The following LINGO2 variants were observed in gnomAD, a reference collection of about 807,000 sequenced individuals.
The protein encoded by LINGO2 is leucine-rich repeat and immunoglobulin-like domain-containing nogo receptor-interacting protein 2.
In LINGO2, 14 loss-of-function variants were observed where a neutral mutation model predicts 30.6. That is an observed-to-expected ratio of 0.46 (90% CI 0.30 to 0.72). The LOEUF (loss-of-function observed/expected upper bound fraction) is 0.72. LINGO2 is among the 30% of genes least tolerant of loss of function. The pLI is 0.07. For synonymous variants in LINGO2, 317 were observed against 288.5 expected (o/e 1.10, Z -1.00); for missense variants, 729 against 751.7 (o/e 0.97, Z 0.35).
At chr9:28,849,419 T>C in the LINGO2 span, among the ~76,000 whole-genome samples, 2 of 152,012 alleles carry the variant, frequency 1.3e-5, no homozygotes, top group East Asian at 3.9e-4. Context: ...CTCCACATTA[T>C]CACTGCATTT....
At chr9:28,208,627 T>TA (rs749800412) in intron 4 of LINGO2, among the ~76,000 whole-genome samples, 1 of 151,976 alleles carries the variant, frequency 6.6e-6, no homozygotes, top group Non-Finnish European at 1.5e-5. Context: ...TTTCCTCACT[T>TA]ACTTCTACGG....
chr9:28,514,981 T>C (rs972397010), intron 1 of LINGO2, among the ~76,000 whole-genome samples: 3 of 151,300 alleles, frequency 2.0e-5, no homozygotes, highest in Admixed American at 6.6e-5. Context: ...GTTTATAGCA[T>C]GGTTACTGAA....
chr9:28,039,119 T>C (rs1824082903), intron 4 of LINGO2, among the ~76,000 whole-genome samples: 1 of 152,186 alleles, frequency 6.6e-6, no homozygotes, highest in Admixed American at 6.5e-5. Flanking sequence ...AGGACGGACC[T>C]CTATATGAAC....
At chr9:29,134,397 A>T in the LINGO2 span, among the ~76,000 whole-genome samples, 1 of 152,128 alleles carries the variant, frequency 6.6e-6, no homozygotes, top group African/African-American at 2.4e-5. Context: ...AATGCTTCCA[A>T]TTGTCTAAAA....
At chr9:28,041,836 A>G (rs963160237) in intron 4 of LINGO2, among the ~76,000 whole-genome samples, 20 of 152,194 alleles carry the variant, frequency 1.3e-4, no homozygotes, top group Admixed American at 6.5e-5. Flanking sequence ...TAACTCAAAA[A>G]GTTTATAAAC....
intron 4 of LINGO2, among the ~76,000 whole-genome samples, chr9:28,287,388 T>G (rs1456135073): frequency 6.6e-6 from 1 of 152,246 alleles, no homozygotes; most frequent in African/African-American, 2.4e-5. Context: ...ACGTTCACTT[T>G]TTTGTGTGTT....
intron 5 of LINGO2, among the ~76,000 whole-genome samples, chr9:28,001,275 G>A (rs1821937409): frequency 6.6e-6 from 1 of 152,138 alleles, no homozygotes; most frequent in South Asian, 2.1e-4. Flanking sequence ...ACATGCCACA[G>A]AAGCCCTCAG....
At chr9:28,847,855 TATATACTATATAC>T in the LINGO2 span, among the ~76,000 whole-genome samples, 2 of 111,290 alleles carry the variant, frequency 1.8e-5, 1 homozygote, top group African/African-American at 6.9e-5. Context: ...CATATATGTA[TATATACTATATAC>T]ATATACAGTA....
At chr9:28,556,231 G>A (rs1356688574) in intron 1 of LINGO2, among the ~76,000 whole-genome samples, 2 of 152,044 alleles carry the variant, frequency 1.3e-5, no homozygotes, top group East Asian at 1.9e-4. Flanking sequence ...CGACATGATT[G>A]TATATCTAGA....
At chr9:29,150,310 A>C in the LINGO2 span, among the ~76,000 whole-genome samples, 2 of 152,356 alleles carry the variant, frequency 1.3e-5, no homozygotes, top group South Asian at 4.1e-4. Context: ...AATGGACAAC[A>C]GTCTACTCAG....
At chr9:28,071,131 C>T (rs10757708) in intron 4 of LINGO2, among the ~76,000 whole-genome samples, 142,848 of 152,256 alleles carry the variant, frequency 0.94, 67,638 homozygotes, top group East Asian at 1. Context: ...GCACTTATAG[C>T]GGAAATTTGG....
intron 4 of LINGO2, among the ~76,000 whole-genome samples, chr9:28,193,277 C>A (rs1161992508): frequency 6.6e-6 from 1 of 152,062 alleles, no homozygotes; most frequent in Non-Finnish European, 1.5e-5. Flanking sequence ...TTTTCATTTT[C>A]CATGTTATTT....
chr9:28,773,139 G>C, the LINGO2 span, among the ~76,000 whole-genome samples: 9 of 152,262 alleles, frequency 5.9e-5, no homozygotes, highest in East Asian at 1.7e-3. Context: ...GCTGAGACGG[G>C]TGGATCACGA....
chr9:28,633,116 T>A (rs1425205899), intron 1 of LINGO2, among the ~76,000 whole-genome samples: 1 of 151,820 alleles, frequency 6.6e-6, no homozygotes, highest in Admixed American at 6.6e-5. Flanking sequence ...CCTTTTCATG[T>A]TTTTCTGCCT....
At chr9:28,547,836 G>A (rs910861799) in intron 1 of LINGO2, among the ~76,000 whole-genome samples, 1 of 152,110 alleles carries the variant, frequency 6.6e-6, no homozygotes, top group African/African-American at 2.4e-5. Context: ...TGAAACCAAT[G>A]TCTTCATCTG....
the LINGO2 span, among the ~76,000 whole-genome samples, chr9:28,908,870 T>C: frequency 6.6e-6 from 1 of 151,924 alleles, no homozygotes; most frequent in Non-Finnish European, 1.5e-5. Context: ...GACTGATTAT[T>C]TCCTATAATA....
intron 4 of LINGO2, among the ~76,000 whole-genome samples, chr9:28,145,934 C>G (rs1188637510): frequency 1.3e-5 from 2 of 152,184 alleles, no homozygotes; most frequent in Non-Finnish European, 2.9e-5. Flanking sequence ...GCCTCAGGCT[C>G]TTTGGCTGAT....
intron 4 of LINGO2, among the ~76,000 whole-genome samples, chr9:28,118,102 G>T (rs1183427808): frequency 1.3e-5 from 2 of 152,002 alleles, no homozygotes; most frequent in African/African-American, 2.4e-5. Flanking sequence ...AGGGGAGGGA[G>T]AGTATTAGAA....
chr9:28,298,042 G>A (rs1823990118), intron 3 of LINGO2, among the ~76,000 whole-genome samples: 2 of 152,028 alleles, frequency 1.3e-5, no homozygotes, highest in Non-Finnish European at 2.9e-5. Context: ...AGTCTATGAG[G>A]GGTCATAAGA....
Sources: allele counts gnomAD v4.1 joint callset (sites outside exome capture counted in the v4.1 genomes callset), GRCh38; gene constraint gnomAD v4.1.1; transcripts MANE v1.5; gene names NCBI Gene and HGNC (gene_info 2026-07-23, HGNC 2026-07-21).